KDM4A: variants seen among roughly 807,000 people sequenced by gnomAD.
KDM4A encodes the protein lysine demethylase 4A, also known as lysine-specific demethylase 4A.
KDM4A carries 23 observed loss-of-function variants against 127.1 expected under a neutral mutation model. That is an observed-to-expected ratio of 0.18 (90% CI 0.13 to 0.26). The LOEUF (loss-of-function observed/expected upper bound fraction) is 0.26. KDM4A is among the 10% of genes least tolerant of loss of function. The probability of loss-of-function intolerance (pLI) is 1.00; values close to 1 mark genes in which losing one functional copy is unlikely to be tolerated. For missense variants in KDM4A, 890 were observed against 1,329.1 expected, an observed-to-expected ratio of 0.67 and a Z score of 5.14; for synonymous variants, 443 against 466.5, an observed-to-expected ratio of 0.95 and a Z score of 0.65.
intron 5 of KDM4A, 65 bp downstream of exon 5, chr1:43,663,152 G>T: frequency 7.1e-7 from 1 of 1,418,392 alleles, no homozygotes; most frequent in Admixed American, 1.9e-5. Flanking sequence ...TTCATTGTGC[G>T]TGGGAAGCAC....
chr1:43,654,401 TAA>T (rs1557901590), intron 2 of KDM4A, among the ~76,000 whole-genome samples: 1 of 152,258 alleles, frequency 6.6e-6, no homozygotes, highest in African/African-American at 2.4e-5. Flanking sequence ...GTTTTGTTTT[TAA>T]AAGAGAATGG....
Position 43,697,757 on chromosome 1 carries a change from TAAG to T in KDM4A, c.2671-85_2671-83del, listed in dbSNP as rs371148995. On this transcript the variant is annotated intron_variant, in intron 18 of 21. Coordinates refer to ENST00000372396, the MANE Select transcript of KDM4A (RefSeq NM_014663.3). ...CTTTCCCATGCTTATCTTTCCCTGA[TAAG>T]GAGGAACTAATTGATCTTCATCTCC... 2.7e-4 allele frequency: 345 copies of T among 1,259,586 alleles called. 1 individual carries two copies. In the African/African-American group the frequency reaches 5.1e-3, roughly 18 times the overall value. The allele number at this position is 1,259,586 out of a possible 1,614,324, so 78.0% of individuals were successfully genotyped here.
rs142484784 is a variant in KDM4A at position 43,671,668 on chromosome 1, T to A, written c.1527T>A (p.Ser509=). Residue 509 remains serine, a synonymous_variant, in exon 11 of 22, where the codon TCT becomes TCA. Transcript: ENST00000372396. The part of the protein sequence containing the change: ...LVFSGSKKKS[S]SSLGSGSSRD... The stretch of plus-strand genomic sequence containing the variant: ...TCTCAGGCTCCAAAAAGAAATCATC[T>A]TCTAGCCTGGGCTCTGGCTCTTCAC... 1.8e-5 allele frequency: 29 copies of A among 1,613,078 alleles called. No individual in the cohort carries two copies. In the African/African-American group the frequency reaches 2.8e-4, roughly 16 times the overall value.
chr1:43,676,455 G>A (rs1292500633), intron 11 of KDM4A, among the ~76,000 whole-genome samples: 1 of 152,104 alleles, frequency 6.6e-6, no homozygotes, highest in Non-Finnish European at 1.5e-5. Flanking sequence ...TGAGTAGCTG[G>A]GATTACAGGC....
intron 5 of KDM4A, among the ~76,000 whole-genome samples, chr1:43,664,332 C>G (rs144542347): frequency 6.6e-6 from 1 of 151,884 alleles, no homozygotes; most frequent in African/African-American, 2.4e-5. Flanking sequence ...TTTGGGAAGC[C>G]GAGGTGGGTG....
intron 8 of KDM4A, among the ~76,000 whole-genome samples, chr1:43,667,393 ACT>A (rs1258926632): frequency 6.6e-6 from 1 of 151,976 alleles, no homozygotes; most frequent in Non-Finnish European, 1.5e-5. Flanking sequence ...GGTTTCCTTT[ACT>A]CTAGGGAAGC....
Position 43,662,869 on chromosome 1 carries a change from C to A in KDM4A, c.430-25C>A, listed in dbSNP as rs781396323. ...TCGGTTTCTATGCAAATGTAACTTG[C>A]CCTGGACTGTCATTGCCTTTGCAGC... On this transcript the variant is annotated intron_variant, in intron 4 of 21. Transcript: ENST00000372396. 5 of 1,582,252 alleles carry A rather than the reference C, an allele frequency of 3.2e-6. No homozygotes were observed. The South Asian group carries it at 4.6e-5, about 15-fold the overall frequency.
intron 1 of KDM4A, among the ~76,000 whole-genome samples, chr1:43,652,683 T>C (rs12042514): frequency 0.11 from 14,261 of 134,134 alleles, 830 homozygotes; most frequent in African/African-American, 0.23. Flanking sequence ...TTCTTTCTTT[T>C]TTTTTTTTTT....
At chr1:43,673,568 G>A (rs1347699549) in intron 11 of KDM4A, among the ~76,000 whole-genome samples, 4 of 151,864 alleles carry the variant, frequency 2.6e-5, no homozygotes, top group Admixed American at 1.3e-4. Flanking sequence ...CTCAGGGTAC[G>A]GTTTTGGTAG....
At chr1:43,699,119 C>T (rs1437752402) in intron 19 of KDM4A, among the ~76,000 whole-genome samples, 1 of 146,510 alleles carries the variant, frequency 6.8e-6, no homozygotes, top group South Asian at 2.2e-4. Context: ...TTGAGAGAGA[C>T]CAGGTCTCAC....
chr1:43,684,416 T>C (rs536770008), intron 12 of KDM4A, among the ~76,000 whole-genome samples: 26 of 152,184 alleles, frequency 1.7e-4, no homozygotes, highest in African/African-American at 6.3e-4. Flanking sequence ...AGCAGGAGAA[T>C]TGCTCGAACC....
chr1:43,702,105 C>G (rs1661412524), intron 19 of KDM4A: 1 of 152,144 alleles, frequency 6.6e-6, no homozygotes, highest in Admixed American at 6.5e-5. Flanking sequence ...TTGTACCTAT[C>G]CTAGGTAAAT....
intron 5 of KDM4A, among the ~76,000 whole-genome samples, chr1:43,664,849 T>C (rs749300619): frequency 9.2e-5 from 14 of 152,338 alleles, no homozygotes; most frequent in Non-Finnish European, 1.8e-4. Context: ...TCCTCTGAAG[T>C]GGGACCTCCA....
chr1:43,661,694 T>C (rs539702324), intron 4 of KDM4A, among the ~76,000 whole-genome samples: 26 of 150,462 alleles, frequency 1.7e-4, no homozygotes, highest in African/African-American at 6.1e-4. Flanking sequence ...GTCAGTCTTG[T>C]AGGGATGAAT....
At chr1:43,668,787 A>T (rs1462127200) in intron 9 of KDM4A, among the ~76,000 whole-genome samples, 2 of 152,158 alleles carry the variant, frequency 1.3e-5, no homozygotes, top group African/African-American at 4.8e-5. Context: ...GCCATATGGG[A>T]AAGAAAGGAG....
intron 13 of KDM4A, 67 bp from the exon 14 acceptor site, chr1:43,690,778 G>C: frequency 2.1e-6 from 3 of 1,410,732 alleles, no homozygotes; most frequent in Non-Finnish European, 3.0e-6. Flanking sequence ...TCTGCTGATA[G>C]AGCAGGTGGA....
At chr1:43,669,069 G>A in intron 9 of KDM4A, 31 bp from the exon 10 acceptor site, 14 of 1,610,332 alleles carry the variant, frequency 8.7e-6, no homozygotes, top group Non-Finnish European at 1.2e-5. Flanking sequence ...GTATATGTGG[G>A]CTCTTAAAAG....
chr1:43,658,051 C>T (rs1230926886), intron 3 of KDM4A, among the ~76,000 whole-genome samples: 1 of 149,560 alleles, frequency 6.7e-6, no homozygotes, highest in African/African-American at 2.5e-5. Context: ...TAGCAGATTA[C>T]CTTTAAAGTA....
chr1:43,703,594 C>T (rs1557924625), intron 19 of KDM4A, 23 bp from the exon 20 acceptor site: 3 of 1,612,892 alleles, frequency 1.9e-6, no homozygotes, highest in South Asian at 2.2e-5. Context: ...TCCTTTCACC[C>T]TCCTTCCTTC....
Sources: allele counts gnomAD v4.1 joint callset (sites outside exome capture counted in the v4.1 genomes callset), GRCh38; gene constraint gnomAD v4.1.1; transcripts MANE v1.5; gene names NCBI Gene and HGNC (gene_info 2026-07-23, HGNC 2026-07-21).